AGBL4: variants seen among roughly 807,000 people sequenced by gnomAD.
The protein encoded by AGBL4 is AGBL carboxypeptidase 4.
In AGBL4, 58 loss-of-function variants were observed where a neutral mutation model predicts 66.4. The ratio of observed to expected loss-of-function variants is 0.87; its 90% CI spans 0.71 to 1.09. AGBL4 has a LOEUF of 1.09. AGBL4 is among the 50% of genes least tolerant of loss of function. The pLI, the probability that AGBL4 is intolerant of heterozygous loss-of-function variation, is 0.00. For synonymous variants in AGBL4, 234 were observed against 222.9 expected (o/e 1.05, Z -0.44); for missense variants, 579 against 631.0 (o/e 0.92, Z 0.88).
chr1:48,562,071 C>G (rs1372785513), intron 11 of AGBL4, among the ~76,000 whole-genome samples: 1 of 152,204 alleles, frequency 6.6e-6, no homozygotes, highest in African/African-American at 2.4e-5. Flanking sequence ...TTCTGTTTCT[C>G]TGGAGAACCC....
At chr1:49,798,435 A>T (rs1644781625) in intron 2 of AGBL4, among the ~76,000 whole-genome samples, 1 of 152,182 alleles carries the variant, frequency 6.6e-6, no homozygotes, top group Non-Finnish European at 1.5e-5. Flanking sequence ...TTACTCCATT[A>T]ATGCATGCAT....
intron 5 of AGBL4, among the ~76,000 whole-genome samples, chr1:48,923,100 T>A (rs1038507201): frequency 8.6e-5 from 13 of 150,866 alleles, no homozygotes; most frequent in South Asian, 2.1e-4. Context: ...TTAAAAAAAA[T>A]ATATAAAATA....
intron 4 of AGBL4, among the ~76,000 whole-genome samples, chr1:49,131,195 T>A (rs1384036958): frequency 6.6e-6 from 1 of 152,104 alleles, no homozygotes; most frequent in African/African-American, 2.4e-5. Flanking sequence ...ATCTAATTTA[T>A]AATGGTAGAA....
intron 2 of AGBL4, among the ~76,000 whole-genome samples, chr1:49,776,496 C>G (rs1457551417): frequency 6.6e-6 from 1 of 151,960 alleles, no homozygotes; most frequent in Non-Finnish European, 1.5e-5. Flanking sequence ...TCCTAAATAC[C>G]ACTCTGGCTT....
At chr1:49,533,510 A>G (rs1651309426) in intron 3 of AGBL4, among the ~76,000 whole-genome samples, 2 of 151,694 alleles carry the variant, frequency 1.3e-5, no homozygotes, top group South Asian at 4.2e-4. Context: ...TTCAAATACA[A>G]CCTTAGGGGC....
intron 4 of AGBL4, among the ~76,000 whole-genome samples, chr1:49,049,582 G>GA (rs1050039938): frequency 1.3e-5 from 2 of 151,634 alleles, no homozygotes; most frequent in South Asian, 2.1e-4. Context: ...AAAAAGCAAT[G>GA]AAAAAAAGGG....
intron 3 of AGBL4, among the ~76,000 whole-genome samples, chr1:49,301,849 A>T (rs932439194): frequency 6.6e-6 from 1 of 152,048 alleles, no homozygotes; most frequent in Non-Finnish European, 1.5e-5. Context: ...TTGTGAATTC[A>T]TCCCCAACCC....
At chr1:48,922,627 G>A (rs1434720901) in intron 5 of AGBL4, among the ~76,000 whole-genome samples, 2 of 152,126 alleles carry the variant, frequency 1.3e-5, no homozygotes, top group Non-Finnish European at 2.9e-5. Flanking sequence ...ACATGAATAC[G>A]ATTTCATTGT....
At chr1:49,108,037 G>A (rs1260369970) in intron 4 of AGBL4, among the ~76,000 whole-genome samples, 1 of 152,206 alleles carries the variant, frequency 6.6e-6, no homozygotes, top group Non-Finnish European at 1.5e-5. Flanking sequence ...ATTTGGACAA[G>A]TGACCTTGGC....
intron 4 of AGBL4, among the ~76,000 whole-genome samples, chr1:49,199,114 T>C (rs896570531): frequency 6.6e-6 from 1 of 152,198 alleles, no homozygotes; most frequent in South Asian, 2.1e-4. Flanking sequence ...CAGTGTTAAA[T>C]ATCTGTCATC....
intron 11 of AGBL4, chr1:48,585,893 T>G (rs1644810775): frequency 1.3e-5 from 2 of 152,246 alleles, no homozygotes; most frequent in African/African-American, 4.8e-5. Flanking sequence ...AGAAAAGATG[T>G]TTTCCTGCAC....
intron 3 of AGBL4, among the ~76,000 whole-genome samples, chr1:49,541,481 G>A (rs921218227): frequency 9.2e-5 from 14 of 152,226 alleles, no homozygotes; most frequent in Non-Finnish European, 1.6e-4. Context: ...ACCCGGGCCA[G>A]GAGCTGTGGA....
chr1:48,817,535 T>A (rs1646209973), intron 6 of AGBL4: 1 of 152,900 alleles, frequency 6.5e-6, no homozygotes, highest in African/African-American at 2.4e-5. Context: ...TTTTGCTGCT[T>A]AAGCAAAATG....
intron 3 of AGBL4, among the ~76,000 whole-genome samples, chr1:49,577,616 A>G (rs1416159355): frequency 6.6e-6 from 1 of 152,146 alleles, no homozygotes; most frequent in Non-Finnish European, 1.5e-5. Context: ...ACTACCATCC[A>G]TGGACTCAAG....
At chr1:49,459,284 T>C (rs539007416) in intron 3 of AGBL4, among the ~76,000 whole-genome samples, 27 of 151,836 alleles carry the variant, frequency 1.8e-4, no homozygotes, top group African/African-American at 5.3e-4. Context: ...ATCTCGCTAC[T>C]TGTAATTGGT....
chr1:49,620,764 C>T (rs549958142), intron 3 of AGBL4, among the ~76,000 whole-genome samples: 167 of 152,192 alleles, frequency 1.1e-3, no homozygotes, highest in African/African-American at 3.7e-3. Context: ...TGGTGAATAA[C>T]AGGTCAATAT....
intron 7 of AGBL4, among the ~76,000 whole-genome samples, chr1:48,661,580 T>G (rs1378953473): frequency 6.6e-6 from 1 of 152,128 alleles, no homozygotes; most frequent in Non-Finnish European, 1.5e-5. Flanking sequence ...CGCCATTGAG[T>G]GTATGAACTC....
intron 5 of AGBL4, among the ~76,000 whole-genome samples, chr1:48,996,817 C>CCCTTCCTCCCTTCCTT (rs1553137072): frequency 6.8e-6 from 1 of 147,756 alleles, no homozygotes; most frequent in Non-Finnish European, 1.5e-5. Context: ...CTTCCTTCCT[C>CCCTTCCTCCCTTCCTT]CCTTCCTTCC....
intron 3 of AGBL4, among the ~76,000 whole-genome samples, chr1:49,290,865 C>A (rs914407227): frequency 6.6e-6 from 1 of 152,116 alleles, no homozygotes; most frequent in East Asian, 1.9e-4. Context: ...TTAAAATTAG[C>A]CAAGCATAGT....
Sources: gnomAD v4.1 joint callset for allele counts (sites outside exome capture counted in the v4.1 genomes callset) on GRCh38, gnomAD v4.1.1 for gene constraint, MANE v1.5 for transcripts, NCBI Gene and HGNC (gene_info 2026-07-23, HGNC 2026-07-21) for gene names.